CFAP61: variants seen among roughly 807,000 people sequenced by gnomAD.
CFAP61 encodes cilia and flagella associated protein 61, also known as cilia- and flagella-associated protein 61.
A neutral mutation model predicts 135.6 loss-of-function variants in CFAP61; 107 were observed. The ratio of observed to expected loss-of-function variants is 0.79; its 90% CI spans 0.67 to 0.93. The LOEUF (loss-of-function observed/expected upper bound fraction) is 0.93. Among genes scored for constraint, CFAP61 ranks in the 40% least tolerant of loss-of-function variants. CFAP61 has a pLI of 0.00. For missense variants in CFAP61, 1,507 were observed against 1,556.2 expected (o/e 0.97, Z 0.53); for synonymous variants, 575 against 578.5 (o/e 0.99, Z 0.09).
At position 20,251,633 on chromosome 20, in the gene CFAP61, T is replaced by G; in HGVS notation, c.2198T>G (p.Leu733Arg). Residue 733 changes from leucine to arginine, a missense_variant, in exon 20 of 27, where the codon CTG (leucine) becomes CGG (arginine). By Grantham distance (102) the Leu-to-Arg change is moderately radical. Transcript: ENST00000245957. ...FNDKDYALMS[L>R]CSWVNVVVGR... ...GATAAAGATTATGCACTGATGTCAC[T>G]GTGCTCCTGGGTTAATGTCGTGGTG... 6.2e-7 allele frequency: 1 copy of G among 1,614,196 alleles called. No individual in the cohort carries two copies. The highest frequency in any genetic ancestry group is 8.5e-7 in the Non-Finnish European group (1 of 1,180,008).
intron 25 of CFAP61, among the ~76,000 whole-genome samples, chr20:20,309,097 G>A (rs1323926175): frequency 6.6e-6 from 1 of 152,182 alleles, no homozygotes; most frequent in Non-Finnish European, 1.5e-5. Flanking sequence ...ACTAACAATT[G>A]CAAAGAGACG....
At chr20:20,274,616 G>A (rs1057424285) in intron 21 of CFAP61, among the ~76,000 whole-genome samples, 3 of 152,156 alleles carry the variant, frequency 2.0e-5, no homozygotes, top group Middle Eastern at 3.4e-3. Context: ...AGCTGAGATC[G>A]CGCCACTGCA....
intron 17 of CFAP61, among the ~76,000 whole-genome samples, chr20:20,201,811 G>A (rs1601372362): frequency 1.3e-5 from 2 of 152,226 alleles, no homozygotes; most frequent in South Asian, 2.1e-4. Context: ...AGTCAGTGCT[G>A]ACACTTATAC....
In CFAP61 at chr20:20,127,659, G is replaced by T. The variant is rs528654991; in HGVS notation, c.860-15198G>T. Among the ~76,000 whole-genome samples the T allele has an allele frequency of 1.6e-4, 25 of 151,734 alleles. No individual in the cohort carries two copies. The South Asian group carries it at 5.0e-3, about 30-fold the overall frequency. ...TGGGGTCGGGGTGGGGGTTGAAATGGACTCTGTGAGAGTTTTTAGCTTTGG... is the reference window on the plus strand; with the variant it reads ...TGGGGTCGGGGTGGGGGTTGAAATGTACTCTGTGAGAGTTTTTAGCTTTGG... On this transcript the variant is annotated intron_variant, in intron 8 of 26. Coordinates refer to ENST00000245957, the MANE Select transcript of CFAP61 (RefSeq NM_015585.4).
chr20:20,262,251 G>T (rs1015958746), intron 20 of CFAP61, among the ~76,000 whole-genome samples: 16 of 152,084 alleles, frequency 1.1e-4, no homozygotes, highest in Non-Finnish European at 1.9e-4. Context: ...TCCATGAATC[G>T]AATATGGTGG....
chr20:20,219,111 G>A (rs763510054), intron 17 of CFAP61, among the ~76,000 whole-genome samples: 6 of 152,246 alleles, frequency 3.9e-5, no homozygotes, highest in Admixed American at 1.3e-4. Context: ...AAGTAATATC[G>A]AAATGACCAA....
intron 17 of CFAP61, among the ~76,000 whole-genome samples, chr20:20,208,030 T>C (rs2056933878): frequency 6.6e-6 from 1 of 152,216 alleles, no homozygotes; most frequent in South Asian, 2.1e-4. Flanking sequence ...GCTCAGTGAG[T>C]CCTTTCCTCC....
intron 26 of CFAP61, among the ~76,000 whole-genome samples, chr20:20,349,565 T>C (rs1052025507): frequency 6.6e-6 from 1 of 152,146 alleles, no homozygotes; most frequent in African/African-American, 2.4e-5. Context: ...AGCATGAGAG[T>C]TGAAGGGAAA....
chr20:20,187,546 C>T (rs2146866095), intron 13 of CFAP61, among the ~76,000 whole-genome samples: 1 of 152,304 alleles, frequency 6.6e-6, no homozygotes, highest in South Asian at 2.1e-4. Context: ...CACTGTGCTG[C>T]TCCCTGGGTC....
Position 20,062,322 on chromosome 20 carries a change from A to AT in CFAP61, c.143+5526_143+5527insT, listed in dbSNP as rs1491487439. Among the ~76,000 whole-genome samples, 11 of 152,366 alleles carry AT rather than the reference A, an allele frequency of 7.2e-5. No individual in the cohort carries two copies. In the South Asian group the frequency reaches 1.9e-3, roughly 26 times the overall value. ...CCATAGAATCATGAGCAAATAAAACAGAGTAGCCACTAAATTTGGGATAAT... is the reference window on the plus strand; with the variant it reads ...CCATAGAATCATGAGCAAATAAAACATGAGTAGCCACTAAATTTGGGATAAT... On this transcript the variant is annotated intron_variant, in intron 2 of 26. Coordinates refer to ENST00000245957, the MANE Select transcript of CFAP61 (RefSeq NM_015585.4).
chr20:20,284,867 T>TA (rs2147056594), intron 22 of CFAP61, among the ~76,000 whole-genome samples: 1 of 152,338 alleles, frequency 6.6e-6, no homozygotes, highest in African/African-American at 2.4e-5. Context: ...AGAATAGTCT[T>TA]TTATAGATAC....
intron 8 of CFAP61, among the ~76,000 whole-genome samples, chr20:20,118,962 A>G (rs1356153962): frequency 1.3e-5 from 2 of 151,934 alleles, no homozygotes; most frequent in African/African-American, 2.4e-5. Flanking sequence ...TACTGTAGGT[A>G]TGTAACATTG....
intron 8 of CFAP61, among the ~76,000 whole-genome samples, chr20:20,140,128 A>ATTTT (rs3060428): frequency 3.4e-4 from 33 of 97,294 alleles, no homozygotes; most frequent in African/African-American, 7.0e-4. Context: ...GGTGCTGGAA[A>ATTTT]TTTTTTTTTT....
chr20:20,122,536 TGAGTTACTTCACTTA>T (rs1395310466), intron 8 of CFAP61, among the ~76,000 whole-genome samples: 3 of 152,250 alleles, frequency 2.0e-5, no homozygotes, highest in Admixed American at 2.0e-4. Context: ...TTTCCATTCC[TGAGTTACTTCACTTA>T]GAATAATAGT....
chr20:20,146,313 G>C (rs1032218551), intron 9 of CFAP61, among the ~76,000 whole-genome samples: 1 of 152,222 alleles, frequency 6.6e-6, no homozygotes, highest in African/African-American at 2.4e-5. Flanking sequence ...TGAGGAGTGA[G>C]AATGGGACCT....
chr20:20,203,363 C>T (rs1479678038), intron 17 of CFAP61, among the ~76,000 whole-genome samples: 2 of 152,198 alleles, frequency 1.3e-5, no homozygotes, highest in East Asian at 3.8e-4. Context: ...AATGAGCCAT[C>T]TTGGCCTGTG....
rs552173900 is a variant in CFAP61 at position 20,067,510 on chromosome 20, C to T, written c.144-3344C>T. Reference sequence around the variant, plus strand: ...TACAAAAATTAGCTGGACGTTGTGGCAGGCATCTGTAGTCGCAGCTACTCG... The same window carrying T: ...TACAAAAATTAGCTGGACGTTGTGGTAGGCATCTGTAGTCGCAGCTACTCG... On this transcript the variant is annotated intron_variant, in intron 2 of 26. Coordinates refer to ENST00000245957, the MANE Select transcript of CFAP61 (RefSeq NM_015585.4). Among the ~76,000 whole-genome samples the T allele has an allele frequency of 2.6e-5, 4 of 151,544 alleles. No homozygotes were observed. In the South Asian group the frequency reaches 6.2e-4, roughly 24 times the overall value.
chr20:20,265,063 C>T (rs144633027), intron 21 of CFAP61, among the ~76,000 whole-genome samples: 386 of 152,198 alleles, frequency 2.5e-3, no homozygotes, highest in Non-Finnish European at 5.2e-3. Context: ...TTGTAGTAAC[C>T]AGCTTTTAGC....
At chr20:20,154,870 A>G (rs972246520) in intron 9 of CFAP61, among the ~76,000 whole-genome samples, 1 of 152,172 alleles carries the variant, frequency 6.6e-6, no homozygotes, top group African/African-American at 2.4e-5. Flanking sequence ...TACAGATTCA[A>G]TGCACTTCCC....
Sources: allele counts gnomAD v4.1 joint callset (sites outside exome capture counted in the v4.1 genomes callset), GRCh38; gene constraint gnomAD v4.1.1; transcripts MANE v1.5; gene names NCBI Gene and HGNC (gene_info 2026-07-23, HGNC 2026-07-21).